Variants in CCSER1 observed in about 807,000 individuals in gnomAD.
The protein encoded by CCSER1 is coiled-coil serine rich protein 1, also known as serine-rich coiled-coil domain-containing protein 1.
CCSER1 carries 41 observed loss-of-function variants against 82.0 expected under a neutral mutation model. The observed-to-expected ratio is 0.50, with a 90% CI of 0.39 to 0.65. CCSER1 has a LOEUF of 0.65. CCSER1 is among the 30% of genes least tolerant of loss of function. The pLI, the probability that CCSER1 is intolerant of heterozygous loss-of-function variation, is 0.00. For synonymous variants in CCSER1, 414 were observed against 383.9 expected (o/e 1.08, Z -0.92); for missense variants, 1,119 against 1,064.2 (o/e 1.05, Z -0.72).
At chr4:91,040,355 G>A (rs934536348) in intron 9 of CCSER1, among the ~76,000 whole-genome samples, 2 of 152,042 alleles carry the variant, frequency 1.3e-5, no homozygotes, top group African/African-American at 4.8e-5. Context: ...TTGAGACATA[G>A]ATAATAAAGT....
At chr4:90,840,702 A>G (rs372274539) in intron 8 of CCSER1, among the ~76,000 whole-genome samples, 1 of 152,158 alleles carries the variant, frequency 6.6e-6, no homozygotes, top group Non-Finnish European at 1.5e-5. Flanking sequence ...GGAAAACACT[A>G]TATTGCAGCA....
chr4:91,484,465 G>A (rs1758113720), intron 10 of CCSER1, among the ~76,000 whole-genome samples: 1 of 152,036 alleles, frequency 6.6e-6, no homozygotes, highest in Non-Finnish European at 1.5e-5. Context: ...ACAAATCAAT[G>A]AATCCATTCT....
At chr4:90,426,537 T>C (rs1757550835) in intron 4 of CCSER1, among the ~76,000 whole-genome samples, 1 of 152,048 alleles carries the variant, frequency 6.6e-6, no homozygotes, top group South Asian at 2.1e-4. Context: ...GAAGGAAAAA[T>C]TCCCCAAGTG....
At chr4:91,216,847 CTTA>C (rs1011361122) in intron 10 of CCSER1, among the ~76,000 whole-genome samples, 4 of 152,098 alleles carry the variant, frequency 2.6e-5, no homozygotes, top group Non-Finnish European at 5.9e-5. Context: ...TGGATTTCAT[CTTA>C]TTATCTTCTT....
At chr4:90,703,551 C>A (rs1054763680) in intron 6 of CCSER1, among the ~76,000 whole-genome samples, 2 of 152,170 alleles carry the variant, frequency 1.3e-5, no homozygotes, top group Non-Finnish European at 2.9e-5. Context: ...TCTCGTTGAT[C>A]TGTCTAATGT....
At chr4:91,086,781 G>A (rs1339139284) in intron 10 of CCSER1, among the ~76,000 whole-genome samples, 1 of 151,954 alleles carries the variant, frequency 6.6e-6, no homozygotes, top group East Asian at 1.9e-4. Context: ...GTGCTTGCCA[G>A]CTTTCCTTTA....
chr4:90,233,886 C>A (rs1384131630), intron 1 of CCSER1, among the ~76,000 whole-genome samples: 2 of 152,006 alleles, frequency 1.3e-5, no homozygotes, highest in African/African-American at 4.8e-5. Flanking sequence ...TAATAAAAAT[C>A]ATTTATTGGA....
intron 7 of CCSER1, among the ~76,000 whole-genome samples, chr4:90,739,754 A>C (rs1746237229): frequency 6.6e-6 from 1 of 152,134 alleles, no homozygotes; most frequent in Non-Finnish European, 1.5e-5. Flanking sequence ...CTGTGTTCCA[A>C]TGCTAAGTTC....
rs1339033471 is a variant in CCSER1, at chr4:90,923,383, A to G, written c.2108A>G (p.His703Arg). The G allele has an allele frequency of 3.2e-6, 5 of 1,551,440 alleles. No individual in the cohort carries two copies. Among genetic ancestry groups the G allele is most frequent in the Non-Finnish European group, 2.6e-6 (3 of 1,146,784 alleles). Reference sequence around the variant, plus strand: ...TTCATTTTGCAGGGAAAAGTCCGGCATTTACAGAAGGCTTTTGCTTCAAGA... The same window carrying G: ...TTCATTTTGCAGGGAAAAGTCCGGCGTTTACAGAAGGCTTTTGCTTCAAGA... ...QLQEELGKVRHLQKAFASRVD... is the reference protein window; with the variant it reads ...QLQEELGKVRRLQKAFASRVD... Residue 703 changes from histidine (H) to arginine (R), a missense_variant, in exon 9 of 11, where the codon CAT becomes CGT. His to Arg is a conservative substitution (Grantham distance 29). Coordinates refer to ENST00000509176, the MANE Select transcript of CCSER1 (RefSeq NM_001145065.2).
intron 9 of CCSER1, among the ~76,000 whole-genome samples, chr4:91,028,474 G>C (rs755223009): frequency 5.3e-5 from 8 of 151,868 alleles, no homozygotes; most frequent in Non-Finnish European, 8.8e-5. Flanking sequence ...TCTTACTGCC[G>C]TTAGACCAGT....
chr4:91,412,402 C>T (rs529237637), intron 10 of CCSER1, among the ~76,000 whole-genome samples: 2 of 151,968 alleles, frequency 1.3e-5, no homozygotes, highest in African/African-American at 4.8e-5. Flanking sequence ...TCCAGAGACC[C>T]ACTTGGTTAC....
intron 1 of CCSER1, among the ~76,000 whole-genome samples, chr4:90,184,036 G>A (rs1734172561): frequency 6.6e-6 from 1 of 152,130 alleles, no homozygotes; most frequent in Non-Finnish European, 1.5e-5. Context: ...TCTCCCCAGT[G>A]ACTGCTGTGT....
At chr4:91,464,120 C>A (rs1756700928) in intron 10 of CCSER1, among the ~76,000 whole-genome samples, 1 of 152,184 alleles carries the variant, frequency 6.6e-6, no homozygotes, top group Non-Finnish European at 1.5e-5. Context: ...TCACGTTACC[C>A]ACATAGGGAA....
At chr4:90,962,830 G>T (rs1734179939) in intron 9 of CCSER1, among the ~76,000 whole-genome samples, 1 of 151,752 alleles carries the variant, frequency 6.6e-6, no homozygotes, top group Non-Finnish European at 1.5e-5. Context: ...TTTCATACAG[G>T]GCTATTTTAA....
chr4:90,531,514 G>A lies in CCSER1; in HGVS notation c.1724+63160G>A, dbSNP rs559031859. Among the ~76,000 whole-genome samples, 3 of 151,344 alleles carry A rather than the reference G, an allele frequency of 2.0e-5. No homozygotes were observed. The South Asian group carries it at 6.3e-4, about 32-fold the overall frequency. On this transcript the variant is annotated intron_variant, in intron 5 of 10. Coordinates refer to ENST00000509176, the MANE Select transcript of CCSER1 (RefSeq NM_001145065.2). ...AATATTTATTTTACAAGTCCATTTA[G>A]CAAACTATGAAGCTTTTTAAATCTG...
chr4:91,580,344 G>A (rs375452784), intron 10 of CCSER1, among the ~76,000 whole-genome samples: 17 of 151,872 alleles, frequency 1.1e-4, no homozygotes, highest in South Asian at 4.2e-4. Flanking sequence ...TTTCCTGTGT[G>A]CCAGGTATTG....
At chr4:90,696,912 A>G (rs908307600) in intron 6 of CCSER1, among the ~76,000 whole-genome samples, 1 of 152,154 alleles carries the variant, frequency 6.6e-6, no homozygotes, top group Non-Finnish European at 1.5e-5. Context: ...TAGCAGAGGG[A>G]TGGTGCTGAA....
intron 5 of CCSER1, among the ~76,000 whole-genome samples, chr4:90,490,350 C>A (rs1008481646): frequency 3.3e-5 from 5 of 152,130 alleles, no homozygotes; most frequent in African/African-American, 9.7e-5. Flanking sequence ...ATATCCTTCA[C>A]CCACTTTTTG....
At chr4:90,353,874 C>T (rs1252241768) in intron 3 of CCSER1, among the ~76,000 whole-genome samples, 1 of 152,154 alleles carries the variant, frequency 6.6e-6, no homozygotes, top group Non-Finnish European at 1.5e-5. Flanking sequence ...AAGAGTATGA[C>T]ATTCCTCAAA....
Sources: gnomAD v4.1 joint callset for allele counts (sites outside exome capture counted in the v4.1 genomes callset) on GRCh38, gnomAD v4.1.1 for gene constraint, MANE v1.5 for transcripts, NCBI Gene and HGNC (gene_info 2026-07-23, HGNC 2026-07-21) for gene names.